Variants in CFAP97 observed in about 807,000 individuals in gnomAD.
CFAP97 encodes cilia- and flagella-associated protein 97.
CFAP97 carries 36 observed loss-of-function variants against 43.1 expected under a neutral mutation model. The ratio of observed to expected loss-of-function variants is 0.84; its 90% CI spans 0.64 to 1.10. CFAP97 has a LOEUF of 1.10. Ranked by LOEUF, CFAP97 falls within the 50% of genes least tolerant of loss-of-function variation. The pLI is 0.00. For synonymous variants in CFAP97, 228 were observed against 225.7 expected, an observed-to-expected ratio of 1.01 and a Z score of -0.09; for missense variants, 657 against 620.3, an observed-to-expected ratio of 1.06 and a Z score of -0.63.
At chr4:185,208,457 C>G (rs1226493987), upstream of CFAP97, among the ~76,000 whole-genome samples, 1 of 152,014 alleles carries the variant, frequency 6.6e-6, no homozygotes, top group Non-Finnish European at 1.5e-5. Flanking sequence ...AGGCCGGGCG[C>G]GGTGGCTTAC....
chr4:185,166,267 C>G (rs1005087662), intron 3 of CFAP97, among the ~76,000 whole-genome samples: 1 of 152,144 alleles, frequency 6.6e-6, no homozygotes, highest in Non-Finnish European at 1.5e-5. Flanking sequence ...ATGTAGGTGT[C>G]CAAACCTCCT....
At chr4:185,198,068 T>C (rs1282299580) in intron 1 of CFAP97, among the ~76,000 whole-genome samples, 1 of 152,188 alleles carries the variant, frequency 6.6e-6, no homozygotes, top group Non-Finnish European at 1.5e-5. Flanking sequence ...TCACTCACTT[T>C]CAATTCTATG....
intron 2 of CFAP97, among the ~76,000 whole-genome samples, chr4:185,180,361 C>G (rs533611851): frequency 1.3e-5 from 2 of 152,262 alleles, no homozygotes; most frequent in South Asian, 4.1e-4. Flanking sequence ...ATCACCACCA[C>G]CAGTTTCCAA....
chr4:185,169,044 A>C (rs1468014481), intron 3 of CFAP97: 3 of 152,216 alleles, frequency 2.0e-5, no homozygotes, highest in Non-Finnish European at 1.5e-5. Flanking sequence ...CAGAGTTACC[A>C]TTTTTATTTA....
At chr4:185,191,274 C>G in intron 1 of CFAP97, 62 bp from the exon 2 acceptor site, 1 of 1,136,668 alleles carries the variant, frequency 8.8e-7, no homozygotes. Flanking sequence ...CATTTGTATA[C>G]AATAATTAAA....
intron 1 of CFAP97, among the ~76,000 whole-genome samples, chr4:185,194,984 C>G (rs1736473473): frequency 6.6e-6 from 1 of 152,162 alleles, no homozygotes; most frequent in African/African-American, 2.4e-5. Flanking sequence ...AAATATGATT[C>G]TGCTACTTCC....
upstream of CFAP97, chr4:185,209,716 C>T (rs1737437765): frequency 1.0e-6 from 1 of 983,856 alleles, no homozygotes; most frequent in South Asian, 4.7e-5. This position sits in a 1 kb window ranked among gnomAD's most constrained non-coding sequence, Gnocchi z 5.2. Flanking sequence ...GGGGCCGCTC[C>T]CTCGGTGGGC....
At chr4:185,170,487 C>G in intron 3 of CFAP97, 1 of 364,742 alleles carries the variant, frequency 2.7e-6, no homozygotes, top group Non-Finnish European at 4.9e-6. Flanking sequence ...ACCTCTGCTT[C>G]CCGGGTTCAA....
chr4:185,193,320 A>G (rs1370605503), intron 1 of CFAP97, among the ~76,000 whole-genome samples: 2 of 152,244 alleles, frequency 1.3e-5, no homozygotes, highest in Non-Finnish European at 2.9e-5. Context: ...ACACATTGAT[A>G]GTCAAAAGTG....
intron 3 of CFAP97, among the ~76,000 whole-genome samples, chr4:185,172,934 C>T (rs1321781604): frequency 6.6e-6 from 1 of 151,324 alleles, no homozygotes; most frequent in Non-Finnish European, 1.5e-5. Context: ...AGAAGGCTTG[C>T]AGTATGGTTA....
At position 185,178,746 on chromosome 4, in the gene CFAP97, G is replaced by A. The variant is rs56389608; in HGVS notation, c.1055-2695C>T. Among the ~76,000 whole-genome samples the A allele has an allele frequency of 1.8e-3, 274 of 152,318 alleles. 3 individuals carry two copies. The highest frequency in any genetic ancestry group is 3.4e-3 in the Middle Eastern group (1 of 294). On this transcript the variant is annotated intron_variant, in intron 2 of 4. Coordinates refer to ENST00000458385, the MANE Select transcript of CFAP97 (RefSeq NM_020827.3). ...CAGGAAATGAGGTGCTCCTGGAACA[G>A]ACTTAGCACAGGTGGACCAGCTTTG...
chr4:185,170,314 C>A, intron 3 of CFAP97: 2 of 621,990 alleles, frequency 3.2e-6, no homozygotes, highest in South Asian at 1.8e-5. Flanking sequence ...TCACTGCACT[C>A]CAGCCTGGGT....
At chr4:185,208,669 A>G (rs138813927), upstream of CFAP97, among the ~76,000 whole-genome samples, 4 of 152,152 alleles carry the variant, frequency 2.6e-5, no homozygotes, top group African/African-American at 9.6e-5. Flanking sequence ...CAGAGATTGC[A>G]GTGAGCCGAG....
chr4:185,206,113 A>G (rs1440007987), upstream of CFAP97, among the ~76,000 whole-genome samples: 2 of 152,222 alleles, frequency 1.3e-5, no homozygotes, highest in African/African-American at 4.8e-5. Flanking sequence ...TGTTCTGAAA[A>G]ACTTGAACAT....
At chr4:185,183,272 C>T (rs902384565) in intron 2 of CFAP97, among the ~76,000 whole-genome samples, 4 of 152,112 alleles carry the variant, frequency 2.6e-5, no homozygotes, top group Admixed American at 6.5e-5. Flanking sequence ...TACTGAAGTC[C>T]GTGAAAATGT....
chr4:185,194,284 T>C (rs1423425546), intron 1 of CFAP97, among the ~76,000 whole-genome samples: 3 of 152,050 alleles, frequency 2.0e-5, no homozygotes, highest in Non-Finnish European at 2.9e-5. Flanking sequence ...AGGTCAGGAG[T>C]TCGAGACCAG....
At chr4:185,204,984 C>T (rs368271203), upstream of CFAP97, among the ~76,000 whole-genome samples, 1 of 152,188 alleles carries the variant, frequency 6.6e-6, no homozygotes, top group South Asian at 2.1e-4. Context: ...GGTATACAAT[C>T]CAGTAGTTAA....
intron 1 of CFAP97, 74 bp from the exon 2 acceptor site, chr4:185,191,286 A>T: frequency 9.4e-7 from 1 of 1,063,020 alleles, no homozygotes; most frequent in Non-Finnish European, 1.3e-6. Flanking sequence ...ATAATTAAAT[A>T]ATTTTCCCAA....
At chr4:185,189,833 A>C (rs1736152996) in intron 2 of CFAP97, among the ~76,000 whole-genome samples, 1 of 152,238 alleles carries the variant, frequency 6.6e-6, no homozygotes, top group Non-Finnish European at 1.5e-5. Flanking sequence ...TGTCTCTATC[A>C]AAAGTGGAAA....
Sources: gnomAD v4.1 joint callset for allele counts (sites outside exome capture counted in the v4.1 genomes callset) on GRCh38, gnomAD v4.1.1 for gene constraint, Gnocchi (gnomAD v3.1) non-coding constraint, MANE v1.5 for transcripts, NCBI Gene and HGNC (gene_info 2026-07-23, HGNC 2026-07-21) for gene names.